GLG1: variants seen among roughly 807,000 people sequenced by gnomAD.
The protein encoded by GLG1 is Golgi apparatus protein 1.
GLG1 carries 38 observed loss-of-function variants against 160.5 expected under a neutral mutation model. The observed-to-expected ratio is 0.24, with a 90% CI of 0.18 to 0.31. GLG1 has a LOEUF of 0.31. Among genes scored for constraint, GLG1 ranks in the 10% least tolerant of loss-of-function variants. The pLI, the probability that GLG1 is intolerant of heterozygous loss-of-function variation, is 1.00. For missense variants in GLG1, 1,373 were observed against 1,505.2 expected, an observed-to-expected ratio of 0.91 and a Z score of 1.45; for synonymous variants, 644 against 543.4, an observed-to-expected ratio of 1.19 and a Z score of -2.57.
chr16:74,473,370 C>T (rs558146721), intron 13 of GLG1, among the ~76,000 whole-genome samples: 12 of 151,830 alleles, frequency 7.9e-5, no homozygotes, highest in Non-Finnish European at 1.2e-4. Context: ...TGTTTTACCA[C>T]GCCCAGCTAA....
At position 74,535,819 on chromosome 16, in the gene GLG1, T is replaced by C. The variant is rs993416241; in HGVS notation, c.439-3666A>G. On this transcript the variant is annotated intron_variant, in intron 1 of 25. Coordinates refer to ENST00000422840, the MANE Select transcript of GLG1 (RefSeq NM_001145667.2). ...AAAACAAGGTTATGATGTTAGGTCT[T>C]TGAGATTCATGGAACCAAATCGCTA... Among the ~76,000 whole-genome samples, 11 of 152,170 alleles carry C rather than the reference T, an allele frequency of 7.2e-5. No individual in the cohort carries two copies. In the South Asian group the frequency reaches 1.0e-3, roughly 14 times the overall value.
chr16:74,516,296 T>C (rs1281441675), intron 2 of GLG1, among the ~76,000 whole-genome samples: 2 of 151,678 alleles, frequency 1.3e-5, no homozygotes, highest in African/African-American at 4.9e-5. Context: ...ACTGACCACA[T>C]AGTTGGAAGT....
chr16:74,473,193 T>C (rs1486216393), intron 13 of GLG1, among the ~76,000 whole-genome samples: 1 of 152,102 alleles, frequency 6.6e-6, no homozygotes, highest in Non-Finnish European at 1.5e-5. Flanking sequence ...CAGTGCTTTA[T>C]GAGGGTTTCT....
At chr16:74,590,719 C>T (rs1162818731) in intron 1 of GLG1, among the ~76,000 whole-genome samples, 1 of 147,908 alleles carries the variant, frequency 6.8e-6, no homozygotes, top group South Asian at 2.1e-4. Flanking sequence ...ATCACTTGAA[C>T]CTGGGAGGCA....
chr16:74,469,360 G>T (rs11643608), intron 16 of GLG1: 1 of 405,316 alleles, frequency 2.5e-6, no homozygotes. Context: ...TGTGACCACA[G>T]AGGAATGCTG....
At chr16:74,462,381 A>G (rs1360249533) in intron 21 of GLG1, 107 bp downstream of exon 21, 4 of 1,105,376 alleles carry the variant, frequency 3.6e-6, no homozygotes, top group Admixed American at 2.2e-5. Context: ...GGAAGATATG[A>G]AAAAGGTCTT....
At chr16:74,497,061 C>G (rs1213907736) in intron 4 of GLG1, among the ~76,000 whole-genome samples, 6 of 151,800 alleles carry the variant, frequency 4.0e-5, no homozygotes, top group Admixed American at 3.3e-4. Context: ...GGTGGATCAC[C>G]TGAGGTCAGG....
chr16:74,567,550 CTT>C (rs1371211810), intron 1 of GLG1, among the ~76,000 whole-genome samples: 1 of 138,632 alleles, frequency 7.2e-6, no homozygotes, highest in African/African-American at 2.7e-5. Flanking sequence ...ATATGGTGCA[CTT>C]TCTTTTTTTT....
intron 3 of GLG1, among the ~76,000 whole-genome samples, chr16:74,504,720 G>C (rs1032149045): frequency 1.3e-5 from 2 of 152,152 alleles, no homozygotes; most frequent in Admixed American, 6.5e-5. Flanking sequence ...TTAAAATAAT[G>C]TTCAGTGCAG....
intron 1 of GLG1, among the ~76,000 whole-genome samples, chr16:74,564,851 T>A (rs138326689): frequency 6.6e-6 from 1 of 152,332 alleles, no homozygotes; most frequent in Non-Finnish European, 1.5e-5. Context: ...CCAGGTTTTT[T>A]ATTCCTTTCC....
intron 3 of GLG1, among the ~76,000 whole-genome samples, chr16:74,506,845 G>C (rs923510819): frequency 6.6e-6 from 1 of 152,070 alleles, no homozygotes; most frequent in Non-Finnish European, 1.5e-5. Flanking sequence ...CAGCAAAAAA[G>C]GGGCACTAAA....
Position 74,459,702 on chromosome 16 carries a change from T to C in GLG1, c.3124A>G (p.Lys1042Glu). 2.5e-6 allele frequency: 4 copies of C among 1,580,634 alleles called. No individual in the cohort carries two copies. The highest frequency in any genetic ancestry group is 1.4e-5 in the African/African-American group (1 of 73,948). The change falls in exon 23 of 26, where the codon AAA (lysine) becomes GAA (glutamate). Residue 1042 changes from lysine to glutamate, a missense_variant. This residue lies in a region of GLG1 where 491 missense variants were observed against 632.1 expected (regional missense o/e 0.78). Coordinates refer to ENST00000422840, the MANE Select transcript of GLG1 (RefSeq NM_001145667.2). ...ECLKVNLLKI[K>E]TELCKKEVLN... ...GTTACCTTTTTACACAATTCTGTTT[T>C]GATCTTGAGCAGGTTGACCTTGAGG... is the stretch of plus-strand genomic sequence containing the variant.
At chr16:74,470,435 A>G (rs111591122) in intron 15 of GLG1, among the ~76,000 whole-genome samples, 1,944 of 134,588 alleles carry the variant, frequency 0.014, 20 homozygotes, top group Non-Finnish European at 0.024. Context: ...AAAATAGGAC[A>G]TATATTTGTA....
chr16:74,471,094 C>A, intron 15 of GLG1, 79 bp downstream of exon 15: 1 of 837,498 alleles, frequency 1.2e-6, no homozygotes, highest in South Asian at 1.4e-5. Flanking sequence ...CAGAGGTGCT[C>A]TGATGTTCCA....
intron 1 of GLG1, among the ~76,000 whole-genome samples, chr16:74,536,513 TAC>T (rs1340521356): frequency 6.6e-6 from 1 of 152,214 alleles, no homozygotes; most frequent in East Asian, 1.9e-4. Flanking sequence ...AATCCAGTTA[TAC>T]AGTTAAAATA....
chr16:74,574,883 C>CAAAAAAAA (rs531720341), intron 1 of GLG1, among the ~76,000 whole-genome samples: 280 of 24,786 alleles, frequency 0.011, 74 homozygotes, highest in East Asian at 0.073. Flanking sequence ...GACTCTGTCT[C>CAAAAAAAA]AAAAAAAAAA....
intron 1 of GLG1, among the ~76,000 whole-genome samples, chr16:74,574,086 CTTA>C (rs2018918456): frequency 1.3e-5 from 2 of 152,212 alleles, no homozygotes; most frequent in Admixed American, 1.3e-4. Flanking sequence ...CACACATACA[CTTA>C]TTATCTCTGT....
chr16:74,604,814 C>T (rs1236190273), intron 1 of GLG1, among the ~76,000 whole-genome samples: 1 of 152,138 alleles, frequency 6.6e-6, no homozygotes, highest in African/African-American at 2.4e-5. Flanking sequence ...ACTTTGGGAG[C>T]CCGAGGCTGG....
chr16:74,467,428 T>A (rs976115953), intron 18 of GLG1, among the ~76,000 whole-genome samples: 2 of 152,096 alleles, frequency 1.3e-5, no homozygotes, highest in Admixed American at 1.3e-4. Context: ...ACGGTTAATT[T>A]TGGAGGTGCA....
Sources: allele counts gnomAD v4.1 joint callset (sites outside exome capture counted in the v4.1 genomes callset), GRCh38; gene constraint gnomAD v4.1.1; regional missense constraint gnomAD v4.1.1; transcripts MANE v1.5; gene names NCBI Gene and HGNC (gene_info 2026-07-23, HGNC 2026-07-21).